CUX1: variants seen among roughly 807,000 people sequenced by gnomAD.
CUX1 encodes protein CASP.
Under a neutral mutation model 158.8 loss-of-function variants are expected in CUX1, and 31 were observed. The observed-to-expected ratio is 0.20, with a 90% CI of 0.15 to 0.26. The LOEUF (loss-of-function observed/expected upper bound fraction) is 0.26, where lower values mean the gene tolerates loss of function less well. CUX1 is among the 10% of genes least tolerant of loss of function. The pLI is 1.00. For synonymous variants in CUX1, 879 were observed against 862.1 expected, an observed-to-expected ratio of 1.02 and a Z score of -0.34; for missense variants, 1,589 against 2,014.6, an observed-to-expected ratio of 0.79 and a Z score of 4.04.
At chr7:102,158,649 C>G in intron 9 of CUX1, 41 bp downstream of exon 9, 1 of 1,596,350 alleles carries the variant, frequency 6.3e-7, no homozygotes, top group South Asian at 1.1e-5. Context: ...CCCACAATAG[C>G]GGGCCCGTTT....
intron 3 of CUX1, among the ~76,000 whole-genome samples, chr7:102,030,157 A>G (rs1342104221): frequency 2.0e-5 from 3 of 152,062 alleles, no homozygotes; most frequent in Admixed American, 6.6e-5. Context: ...GATTACAGGC[A>G]TGTGCCACCA....
chr7:102,177,866 C>G (rs1393188929), intron 10 of CUX1, among the ~76,000 whole-genome samples: 1 of 149,478 alleles, frequency 6.7e-6, no homozygotes, highest in Non-Finnish European at 1.5e-5. Context: ...GGGCTGTAAG[C>G]CCTGGGAAGA....
upstream of CUX1, chr7:101,816,813 A>G (rs1186443886): frequency 2.2e-5 from 7 of 325,162 alleles, no homozygotes; most frequent in East Asian, 4.6e-4. Context: ...GTGGCCGGGC[A>G]GGCGCCCGCG....
Position 102,256,514 on chromosome 7 carries a change from A to G in CUX1, c.*7472A>G. On this transcript the variant is annotated 3_prime_UTR_variant, in exon 24 of 24. Coordinates refer to ENST00000292535, the MANE Select transcript of CUX1 (RefSeq NM_181552.4). Reference sequence around the variant, plus strand: ...GTCTGGGGGATTGACTGGGGGGCAGAGGGGGTTTCCCCAGCAAAATCAAAC... The same window carrying G: ...GTCTGGGGGATTGACTGGGGGGCAGGGGGGGTTTCCCCAGCAAAATCAAAC... 1 of 985,378 alleles carries G rather than the reference A, an allele frequency of 1.0e-6. No homozygotes were observed. The highest frequency in any genetic ancestry group is 4.7e-5 in the South Asian group (1 of 21,282). The allele number at this position is 985,378 out of a possible 1,614,324, so 61.0% of individuals were successfully genotyped here.
intron 14 of CUX1, among the ~76,000 whole-genome samples, chr7:102,264,099 AG>A (rs1435082432): frequency 1.5e-5 from 2 of 134,322 alleles, no homozygotes; most frequent in Non-Finnish European, 3.2e-5. Context: ...TCCGCCTCCC[AG>A]GTTCAAGTGA....
chr7:102,254,414 A>G lies in CUX1; in HGVS notation c.*5372A>G. On this transcript the variant is annotated 3_prime_UTR_variant, in exon 24 of 24. Coordinates refer to ENST00000292535, the MANE Select transcript of CUX1 (RefSeq NM_181552.4). ...AAACATCAAACATCTCAAAGACGGA[A>G]AAGGATAGATGGCTTCCTCCAGCCT... 3 of 985,322 alleles carry G rather than the reference A, an allele frequency of 3.0e-6. No homozygotes were observed. Among genetic ancestry groups the G allele is most frequent in the Non-Finnish European group, 3.6e-6 (3 of 829,942 alleles). 61.0% of individuals were successfully genotyped at this position (985,322 alleles called of 1,614,324 possible).
intron 1 of CUX1, among the ~76,000 whole-genome samples, chr7:101,839,902 C>T (rs548612482): frequency 1.4e-4 from 22 of 152,262 alleles, no homozygotes; most frequent in African/African-American, 5.3e-4. Flanking sequence ...GCTGGGATTA[C>T]AGGCATGCGC....
At chr7:102,196,569 G>C in intron 14 of CUX1, 65 bp from the exon 15 acceptor site, 1 of 1,381,798 alleles carries the variant, frequency 7.2e-7, no homozygotes, top group Non-Finnish European at 9.5e-7. Flanking sequence ...TTTGCATTTT[G>C]GTCTTGGTTT....
At chr7:101,977,193 G>A (rs1182605413) in intron 2 of CUX1, among the ~76,000 whole-genome samples, 2 of 152,094 alleles carry the variant, frequency 1.3e-5, no homozygotes, top group East Asian at 1.9e-4. Flanking sequence ...GATTACAGGC[G>A]TGAGCCACTG....
chr7:102,219,411 A>T (rs1797594499), intron 20 of CUX1, among the ~76,000 whole-genome samples: 1 of 151,810 alleles, frequency 6.6e-6, no homozygotes, highest in South Asian at 2.1e-4. Context: ...AATCTTTCTC[A>T]GGTTCTTTCT....
intron 1 of CUX1, among the ~76,000 whole-genome samples, chr7:101,897,272 C>T (rs1388239946): frequency 6.6e-6 from 1 of 152,088 alleles, no homozygotes. Flanking sequence ...GCTCAGCCAC[C>T]CCTGGGTGTG....
intron 1 of CUX1, among the ~76,000 whole-genome samples, chr7:101,856,395 A>T (rs575507288): frequency 6.6e-6 from 1 of 152,176 alleles, no homozygotes; most frequent in East Asian, 1.9e-4. Flanking sequence ...TTAATTGTTT[A>T]TCCAAGTTAG....
At chr7:101,922,005 C>G (rs1805005120) in intron 2 of CUX1, among the ~76,000 whole-genome samples, 1 of 151,806 alleles carries the variant, frequency 6.6e-6, no homozygotes, top group East Asian at 1.9e-4. Context: ...GTAGTCCCAG[C>G]TACTTGGGAG....
chr7:102,232,321 GA>G (rs1246533632), intron 21 of CUX1, among the ~76,000 whole-genome samples: 8 of 152,070 alleles, frequency 5.3e-5, no homozygotes, highest in African/African-American at 1.2e-4. Flanking sequence ...TTTCTTTAGG[GA>G]AAAAAATTAA....
At chr7:101,909,571 C>T (rs912441594) in intron 1 of CUX1, among the ~76,000 whole-genome samples, 6 of 152,210 alleles carry the variant, frequency 3.9e-5, no homozygotes, top group African/African-American at 1.4e-4. Flanking sequence ...CCTTTTTGTA[C>T]AAGTGATCTA....
At chr7:102,239,629 G>T (rs2132497085) in intron 23 of CUX1, 45 bp downstream of exon 23, 1 of 1,585,174 alleles carries the variant, frequency 6.3e-7, no homozygotes, top group East Asian at 2.2e-5. Context: ...CCCAGGGGAA[G>T]GGGCTGATCT....
chr7:102,263,950 C>G (rs1790610577), intron 14 of CUX1, among the ~76,000 whole-genome samples: 2 of 151,244 alleles, frequency 1.3e-5, no homozygotes, highest in South Asian at 4.2e-4. Flanking sequence ...CCTCGGCCTC[C>G]CAAAGTGCTG....
intron 2 of CUX1, among the ~76,000 whole-genome samples, chr7:102,020,346 G>A (rs1819197033): frequency 6.6e-6 from 1 of 152,108 alleles, no homozygotes; most frequent in Non-Finnish European, 1.5e-5. Flanking sequence ...CAGTATCCTG[G>A]AACAAAAGAA....
At position 101,848,167 on chromosome 7, in the gene CUX1, C is replaced by T. The variant is rs114694255; in HGVS notation, c.30+30498C>T. Among the ~76,000 whole-genome samples, 1,154 of 151,744 alleles carry T rather than the reference C, an allele frequency of 7.6e-3. 10 individuals are homozygous for T. Among genetic ancestry groups the T allele is most frequent in the African/African-American group, 0.026 (1,072 of 41,352 alleles). On this transcript the variant is annotated intron_variant, in intron 1 of 23. Transcript: ENST00000292535. ...ATAGCATCAATGGTGAGGCCTAGAT[C>T]GCCCAGGTCACTGGGTGTGTATTGA... is the stretch of plus-strand genomic sequence containing the variant.
Sources: gnomAD v4.1 joint callset for allele counts (sites outside exome capture counted in the v4.1 genomes callset) on GRCh38, gnomAD v4.1.1 for gene constraint, MANE v1.5 for transcripts, NCBI Gene and HGNC (gene_info 2026-07-23, HGNC 2026-07-21) for gene names.